The following SYT16 variants were observed in gnomAD, a reference collection of about 807,000 sequenced individuals.
SYT16 encodes the protein synaptotagmin 16, also known as synaptotagmin-16.
SYT16 carries 42 observed loss-of-function variants against 61.4 expected under a neutral mutation model. That is an observed-to-expected ratio of 0.68 (90% CI 0.53 to 0.89). The LOEUF is 0.89. Among genes scored for constraint, SYT16 ranks in the 40% least tolerant of loss-of-function variants. The pLI, the probability that SYT16 is intolerant of heterozygous loss-of-function variation, is 0.00. For synonymous variants in SYT16, 314 were observed against 302.3 expected (o/e 1.04, Z -0.40); for missense variants, 804 against 807.3 (o/e 1.00, Z 0.05).
chr14:62,034,307 A>G (rs1448300329), intron 3 of SYT16, among the ~76,000 whole-genome samples: 5 of 152,184 alleles, frequency 3.3e-5, no homozygotes, highest in Non-Finnish European at 7.4e-5. Flanking sequence ...TCATCAACAG[A>G]TTAAACATAG....
At chr14:61,904,846 G>C (rs1419149172) in intron 1 of SYT16, among the ~76,000 whole-genome samples, 1 of 152,280 alleles carries the variant, frequency 6.6e-6, no homozygotes, top group East Asian at 1.9e-4. Flanking sequence ...ATAATTAGCA[G>C]CTCCTAATCA....
chr14:61,818,445 C>T lies in SYT16; in HGVS notation c.-325+5635C>T, dbSNP rs531962743. 8.0e-4 allele frequency among the ~76,000 whole-genome samples: 121 copies of T among 152,024 alleles called. 4 individuals are homozygous for T. In the South Asian group the frequency reaches 0.024, roughly 30 times the overall value. On this transcript the variant is annotated intron_variant, in intron 1 of 7. Transcript: ENST00000683842. ...CTGTAATCCCAGCACTTTGGGAGGC[C>T]GAGGCGGGTGGATCATGAGGTCAGG... is the stretch of plus-strand genomic sequence containing the variant.
At chr14:61,916,245 G>C (rs2049116274) in intron 1 of SYT16, among the ~76,000 whole-genome samples, 1 of 152,140 alleles carries the variant, frequency 6.6e-6, no homozygotes, top group Admixed American at 6.6e-5. Context: ...CTTTGTTCAG[G>C]AAATATCCAT....
At chr14:62,033,330 A>G (rs2054378971) in intron 3 of SYT16, among the ~76,000 whole-genome samples, 1 of 152,120 alleles carries the variant, frequency 6.6e-6, no homozygotes, top group African/African-American at 2.4e-5. Context: ...TGATAAGTGT[A>G]TAAATCTTGG....
chr14:62,047,786 T>C (rs1409402083), intron 3 of SYT16, among the ~76,000 whole-genome samples: 1 of 152,236 alleles, frequency 6.6e-6, no homozygotes, highest in Non-Finnish European at 1.5e-5. Context: ...TTTATTGATT[T>C]GTGTATGTTG....
intron 1 of SYT16, among the ~76,000 whole-genome samples, chr14:61,824,066 T>A (rs2045698151): frequency 1.3e-5 from 2 of 152,196 alleles, no homozygotes; most frequent in East Asian, 3.8e-4. Flanking sequence ...CTATATAAAA[T>A]GAATATAAAG....
At chr14:61,876,748 C>T (rs1365695145) in intron 1 of SYT16, among the ~76,000 whole-genome samples, 2 of 152,098 alleles carry the variant, frequency 1.3e-5, no homozygotes, top group East Asian at 1.9e-4. Flanking sequence ...GAAATAGCAT[C>T]GGGGAAGGGG....
intron 1 of SYT16, among the ~76,000 whole-genome samples, chr14:61,817,342 C>T (rs963022072): frequency 2.7e-5 from 4 of 150,054 alleles, no homozygotes; most frequent in African/African-American, 9.8e-5. Flanking sequence ...CTCTTGAACC[C>T]AGAAGGTAGA....
chr14:62,075,601 C>T (rs9972279), intron 5 of SYT16, among the ~76,000 whole-genome samples: 57,224 of 119,292 alleles, frequency 0.48, 11,805 homozygotes, highest in Middle Eastern at 0.56. Flanking sequence ...AAAGGATGAA[C>T]GGTAAAAAAA....
At chr14:61,832,387 A>G in intron 1 of SYT16, 1 of 541,826 alleles carries the variant, frequency 1.8e-6, no homozygotes, top group African/African-American at 1.9e-5. Context: ...CAGCTGCCCC[A>G]CCACCGCCGC....
intron 2 of SYT16, among the ~76,000 whole-genome samples, chr14:61,977,632 G>A (rs1484471701): frequency 6.6e-6 from 1 of 152,084 alleles, no homozygotes; most frequent in Non-Finnish European, 1.5e-5. Flanking sequence ...GGGGATTACA[G>A]GGATTATGGG....
intron 1 of SYT16, among the ~76,000 whole-genome samples, chr14:61,852,157 C>G (rs182848950): frequency 3.1e-4 from 47 of 152,132 alleles, no homozygotes; most frequent in Middle Eastern, 6.8e-3. Context: ...TTTCCCAGCA[C>G]CATTTATTAA....
intron 7 of SYT16, among the ~76,000 whole-genome samples, chr14:62,093,024 A>G (rs2057143673): frequency 6.6e-6 from 1 of 152,112 alleles, no homozygotes; most frequent in African/African-American, 2.4e-5. Flanking sequence ...AAGAAATACT[A>G]GTATTAAAAT....
intron 1 of SYT16, among the ~76,000 whole-genome samples, chr14:61,814,273 C>CGT (rs554673720): frequency 7.1e-4 from 108 of 151,880 alleles, no homozygotes; most frequent in South Asian, 2.5e-3. Flanking sequence ...TGATTCCATT[C>CGT]GTGTGTGTGT....
At chr14:62,095,884 C>T (rs749752661) in intron 7 of SYT16, among the ~76,000 whole-genome samples, 8 of 151,578 alleles carry the variant, frequency 5.3e-5, no homozygotes, top group Non-Finnish European at 5.9e-5. Flanking sequence ...AGGGATTATC[C>T]CTAGCAGATA....
chr14:61,959,809 A>G (rs2051040640), intron 1 of SYT16, among the ~76,000 whole-genome samples: 1 of 152,042 alleles, frequency 6.6e-6, no homozygotes, highest in Admixed American at 6.6e-5. Context: ...AGGCAGGTCT[A>G]ATGGTGGTGC....
In SYT16 at chr14:62,057,054, C is replaced by T. The variant is rs143498277; in HGVS notation, c.524-12549C>T. 7.9e-4 allele frequency among the ~76,000 whole-genome samples: 120 copies of T among 152,256 alleles called. 1 individual carries two copies. Among genetic ancestry groups the T allele is most frequent in the South Asian group, 4.4e-3 (21 of 4,826 alleles). On this transcript the variant is annotated intron_variant, in intron 3 of 7. Coordinates refer to ENST00000683842, the MANE Select transcript of SYT16 (RefSeq NM_001367656.1). ...GACACTGCGGTCGCAAAGCCCAGGC[C>T]GTGCAAAGGCCCCGTGGTCAGCCAG...
At chr14:62,036,861 C>T (rs2054529992) in intron 3 of SYT16, among the ~76,000 whole-genome samples, 1 of 152,102 alleles carries the variant, frequency 6.6e-6, no homozygotes, top group Non-Finnish European at 1.5e-5. Flanking sequence ...ACAGGCACAC[C>T]ATATACTGAG....
chr14:62,066,960 G>A (rs1490436267), intron 3 of SYT16, among the ~76,000 whole-genome samples: 1 of 152,174 alleles, frequency 6.6e-6, no homozygotes, highest in Non-Finnish European at 1.5e-5. Context: ...CTCTTAACCT[G>A]CTGAACCTGC....
Sources: gnomAD v4.1 joint callset for allele counts (sites outside exome capture counted in the v4.1 genomes callset) on GRCh38, gnomAD v4.1.1 for gene constraint, MANE v1.5 for transcripts, NCBI Gene and HGNC (gene_info 2026-07-23, HGNC 2026-07-21) for gene names.